The following SARM1 variants were observed in gnomAD, a reference collection of about 807,000 sequenced individuals.
SARM1 encodes sterile alpha and TIR motif containing 1.
In SARM1, 60 loss-of-function variants were observed where a neutral mutation model predicts 65.1. That is an observed-to-expected ratio of 0.92 (90% CI 0.75 to 1.14). SARM1 has a LOEUF of 1.14. Among genes scored for constraint, SARM1 ranks in the 50% most tolerant of loss-of-function variants. The pLI, the probability that SARM1 is intolerant of heterozygous loss-of-function variation, is 0.00. For missense variants in SARM1, 913 were observed against 1,015.7 expected, an observed-to-expected ratio of 0.90 and a Z score of 1.37; for synonymous variants, 417 against 465.4, an observed-to-expected ratio of 0.90 and a Z score of 1.34.
At position 28,398,337 on chromosome 17, in the gene SARM1, G is replaced by A. The variant is rs1712589306; in HGVS notation, c.*2051G>A. 6.6e-6 allele frequency: 1 copy of A among 152,438 alleles called. No homozygotes were observed. The highest frequency in any genetic ancestry group is 2.1e-4 in the South Asian group (1 of 4,834). 9.4% of individuals were successfully genotyped at this position (152,438 alleles called of 1,614,324 possible). A position where few individuals can be genotyped will look rare whatever the true frequency, so the allele number is the denominator to read the frequency against. On this transcript the variant is annotated 3_prime_UTR_variant, in exon 9 of 9. Transcript: ENST00000585482. ...CCTCTGCCCGATCTTCTGTCTCTCTGAGGGAATCAGAGTCCAGCATCCAGC... is the reference window on the plus strand; with the variant it reads ...CCTCTGCCCGATCTTCTGTCTCTCTAAGGGAATCAGAGTCCAGCATCCAGC...
intron 7 of SARM1, 36 bp from the exon 8 acceptor site, chr17:28,395,869 A>G: frequency 6.2e-7 from 1 of 1,611,052 alleles, no homozygotes; most frequent in Non-Finnish European, 8.5e-7. Flanking sequence ...CTAGATGGGT[A>G]CAGGGGTATC....
rs1555584068 is a variant in SARM1 at position 28,372,013 on chromosome 17, TC to T, written c.-15del. ...TGGCCCCGCCTCCAGGCCGGGGATG[TC>T]CCCCGCGGCCCCGCGCCCATGGTCC... is the stretch of plus-strand genomic sequence containing the variant. On this transcript the variant is annotated 5_prime_UTR_variant, in exon 1 of 9. Transcript: ENST00000585482. The surrounding 1 kb of genome is among the most constrained non-coding windows in gnomAD (Gnocchi z 5.2). 5 of 1,461,394 alleles carry T rather than the reference TC, an allele frequency of 3.4e-6. No individual in the cohort carries two copies. The highest frequency in any genetic ancestry group is 1.8e-6 in the Non-Finnish European group (2 of 1,111,162). 90.5% of individuals were successfully genotyped at this position (1,461,394 alleles called of 1,614,324 possible). A position where few individuals can be genotyped will look rare whatever the true frequency, so the allele number is the denominator to read the frequency against.
rs2068168182 is a variant in SARM1 at position 28,399,416 on chromosome 17, T to A, written c.*3130T>A. The stretch of plus-strand genomic sequence containing the variant: ...AGAACTGACTCCTGTCCCAAATAGC[T>A]CCTCTGCCACCTGTCCTGCAGTGGG... On this transcript the variant is annotated 3_prime_UTR_variant, in exon 9 of 9. Coordinates refer to ENST00000585482, the MANE Select transcript of SARM1 (RefSeq NM_015077.4). The A allele has an allele frequency of 1.8e-6, 1 of 543,192 alleles. No homozygotes were observed. Among genetic ancestry groups the A allele is most frequent in the Admixed American group, 3.1e-5 (1 of 32,298 alleles). 33.6% of individuals were successfully genotyped at this position (543,192 alleles called of 1,614,324 possible).
In SARM1 at chr17:28,372,417, C is replaced by G. The variant is rs1555584199; in HGVS notation, c.385C>G (p.Leu129Val). ...CCGCCTCGATGGCGGCCTCGACCTG[C>G]TGTTGCGGCTGCTGCAGGCGCCGGA... Reference protein sequence around the residue: ...AIRLDGGLDLLLRLLQAPELE... With the variant: ...AIRLDGGLDLVLRLLQAPELE... Residue 129 changes from leucine (L) to valine (V), a missense_variant, in exon 1 of 9, where the codon CTG becomes GTG. This residue lies in a region of SARM1 where 862 missense variants were observed against 952.1 expected (regional missense o/e 0.91). Transcript: ENST00000585482. The surrounding 1 kb of genome is among the most constrained non-coding windows in gnomAD (Gnocchi z 5.2). The G allele has an allele frequency of 6.5e-7, 1 of 1,529,944 alleles. No homozygotes were observed. Among genetic ancestry groups the G allele is most frequent in the Non-Finnish European group, 8.7e-7 (1 of 1,144,948 alleles). 94.8% of individuals were successfully genotyped at this position (1,529,944 alleles called of 1,614,324 possible).
chr17:28,385,054 T>C lies in SARM1; in HGVS notation c.1409T>C (p.Leu470Pro), dbSNP rs2068043381. 1 of 1,613,438 alleles carries C rather than the reference T, an allele frequency of 6.2e-7. No individual in the cohort carries two copies. Among genetic ancestry groups the C allele is most frequent in the Non-Finnish European group, 8.5e-7 (1 of 1,179,634 alleles). The change falls in exon 5 of 9, where the codon CTC (leucine) becomes CCC (proline). Residue 470 changes from leucine (L) to proline (P), a missense_variant. This residue lies in a region of SARM1 where 862 missense variants were observed against 952.1 expected (regional missense o/e 0.91). Coordinates refer to ENST00000585482, the MANE Select transcript of SARM1 (RefSeq NM_015077.4). The surrounding 1 kb of genome is among the most constrained non-coding windows in gnomAD (Gnocchi z 4.5). ...GITRKRFFRE[L>P]TELKTFANYS... is the part of the protein sequence containing the mutation. ...GTGGGGTGCAGGTTCTTTAGGGAGCTCACGGAGCTCAAGACCTTCGCCAAC... is the reference window on the plus strand; with the variant it reads ...GTGGGGTGCAGGTTCTTTAGGGAGCCCACGGAGCTCAAGACCTTCGCCAAC...
At position 28,396,217 on chromosome 17, in the gene SARM1, C is replaced by T. The variant is rs562444110; in HGVS notation, c.2106C>T (p.Arg702=). The change falls in exon 9 of 9, where the codon CGC becomes CGT. Residue 702 remains arginine, a synonymous_variant. Coordinates refer to ENST00000585482, the MANE Select transcript of SARM1 (RefSeq NM_015077.4). ...IEKIIRFLQG[R]SSRDSSAGSD... ...AGATCATCCGCTTCCTGCAGGGCCG[C>T]TCCTCCCGGGACTCATCTGCAGGCT... 10 of 1,614,026 alleles carry T rather than the reference C, an allele frequency of 6.2e-6. No homozygotes were observed. The East Asian group carries it at 1.1e-4, about 18-fold the overall frequency.
intron 7 of SARM1, among the ~76,000 whole-genome samples, chr17:28,389,343 TG>T (rs2068069312): frequency 6.6e-6 from 1 of 152,204 alleles, no homozygotes; most frequent in Non-Finnish European, 1.5e-5. Context: ...TGCTCAATAA[TG>T]GTAGCAATTA....
At position 28,399,769 on chromosome 17, in the gene SARM1, T is replaced by G; in HGVS notation, c.*3483T>G. ...TCATGTGGGGAACCCTCAAGGCCTG[T>G]CTGGAGAAGTGACACAGGATTTACT... On this transcript the variant is annotated 3_prime_UTR_variant, in exon 9 of 9. Transcript: ENST00000585482. The G allele has an allele frequency of 6.3e-7, 1 of 1,589,406 alleles. No individual in the cohort carries two copies. The highest frequency in any genetic ancestry group is 8.6e-7 in the Non-Finnish European group (1 of 1,157,768).
At position 28,403,849 on chromosome 17, in the gene SARM1, A is replaced by G. The variant is rs2142462638; in HGVS notation, c.*7563A>G. 1 of 152,350 alleles carries G rather than the reference A, an allele frequency of 6.6e-6. No individual in the cohort carries two copies. Among genetic ancestry groups the G allele is most frequent in the Middle Eastern group, 3.4e-3 (1 of 294 alleles). 9.4% of individuals were successfully genotyped at this position (152,350 alleles called of 1,614,324 possible). On this transcript the variant is annotated 3_prime_UTR_variant, in exon 9 of 9. Transcript: ENST00000585482. ...GCAAAATGGTGAGGACCCCATCTCTATAAAAAATACAAAAATTAGCAAGGT... is the reference window on the plus strand; with the variant it reads ...GCAAAATGGTGAGGACCCCATCTCTGTAAAAAATACAAAAATTAGCAAGGT...
In SARM1 at chr17:28,384,131, A is replaced by G. The variant is rs1486281103; in HGVS notation, c.1090-226A>G. Among the ~76,000 whole-genome samples the G allele has an allele frequency of 6.6e-6, 1 of 152,080 alleles. No homozygotes were observed. The highest frequency in any genetic ancestry group is 1.5e-5 in the Non-Finnish European group (1 of 68,006). On this transcript the variant is annotated intron_variant, in intron 2 of 8. Transcript: ENST00000585482. The surrounding 1 kb of genome is among the most constrained non-coding windows in gnomAD (Gnocchi z 4.4). The stretch of plus-strand genomic sequence containing the variant: ...GCTGTAGAAGGGATATAAAGGAGGG[A>G]TAGGCCCCTCCGCCCCCAACCCATC...
rs1173760349 is a variant in SARM1, at chr17:28,381,722, C to G, written c.990C>G (p.Leu330=). ...GCGGGCCCGACGACCTGCAGCGCCT[C>G]GTGCCGTTGCTCGACTCTAACCGCT... The part of the protein sequence containing the change: ...QGRGPDDLQR[L]VPLLDSNRLE... Residue 330 remains leucine (L), a synonymous_variant, in exon 2 of 9, where the codon CTC becomes CTG. Transcript: ENST00000585482. 2.6e-6 allele frequency: 4 copies of G among 1,553,014 alleles called. No homozygotes were observed. The highest frequency in any genetic ancestry group is 2.4e-5 in the South Asian group (2 of 83,826).
intron 5 of SARM1, chr17:28,387,885 A>T (rs1336300086): frequency 1.6e-5 from 7 of 444,332 alleles, no homozygotes; most frequent in Non-Finnish European, 4.1e-6. Flanking sequence ...ATTTGGAGTG[A>T]TTGTGGGCAG....
At chr17:28,396,061 G>C (rs782118770) in intron 8 of SARM1, 35 bp downstream of exon 8, 6 of 1,613,524 alleles carry the variant, frequency 3.7e-6, no homozygotes, top group Non-Finnish European at 5.1e-6. Flanking sequence ...GGGGGGTAGG[G>C]TACAAATCAC....
In SARM1 at chr17:28,402,420, AGGTT is replaced by A; in HGVS notation, c.*6135_*6138del. On this transcript the variant is annotated 3_prime_UTR_variant, in exon 9 of 9. Transcript: ENST00000585482. Reference sequence around the variant, plus strand: ...CCTATCCATACCCCACGTGGGGCTTAGGTTAGACCCAGGAAGAACTTCCTTGATG... The same window carrying A: ...CCTATCCATACCCCACGTGGGGCTTAAGACCCAGGAAGAACTTCCTTGATG... The A allele has an allele frequency of 2.1e-6, 2 of 973,028 alleles. No homozygotes were observed. Among genetic ancestry groups the A allele is most frequent in the African/African-American group, 1.6e-5 (1 of 61,950 alleles). 60.3% of individuals were successfully genotyped at this position (973,028 alleles called of 1,614,324 possible).
At chr17:28,389,699 AACATGGTGAAACCTTGTCTCT>A (rs1298323962) in intron 7 of SARM1, among the ~76,000 whole-genome samples, 1 of 152,180 alleles carries the variant, frequency 6.6e-6, no homozygotes, top group Non-Finnish European at 1.5e-5. Context: ...CAGCCTGGGC[AACATGGTGAAACCTTGTCTCT>A]ACTAAAAAAA....
chr17:28,377,221 G>T (rs2067996979), intron 1 of SARM1, among the ~76,000 whole-genome samples: 1 of 152,210 alleles, frequency 6.6e-6, no homozygotes, highest in Non-Finnish European at 1.5e-5. Flanking sequence ...TCAAATCTCA[G>T]CTGTGCCTCT....
At chr17:28,389,956 GA>G (rs1164128432) in intron 7 of SARM1, among the ~76,000 whole-genome samples, 4 of 152,166 alleles carry the variant, frequency 2.6e-5, no homozygotes, top group Non-Finnish European at 5.9e-5. Context: ...TTGGAGAAGG[GA>G]GAGAGCATCA....
rs1555585670 is a variant in SARM1, at chr17:28,384,581, T to C, written c.1302+12T>C. The C allele has an allele frequency of 6.3e-7, 1 of 1,583,448 alleles. No individual in the cohort carries two copies. The highest frequency in any genetic ancestry group is 1.1e-5 in the South Asian group (1 of 87,730). On this transcript the variant is annotated intron_variant, in intron 3 of 8. Coordinates refer to ENST00000585482, the MANE Select transcript of SARM1 (RefSeq NM_015077.4). The surrounding 1 kb of genome is among the most constrained non-coding windows in gnomAD (Gnocchi z 4.4). Reference sequence around the variant, plus strand: ...GCGAGAGCTTCCGGGTAGAGTCGCGTGGGATACGCCTCCCCCGAGTCAGAG... The same window carrying C: ...GCGAGAGCTTCCGGGTAGAGTCGCGCGGGATACGCCTCCCCCGAGTCAGAG...
intron 1 of SARM1, chr17:28,373,966 C>A (rs1403632533): frequency 1.3e-5 from 2 of 152,190 alleles, no homozygotes; most frequent in Non-Finnish European, 2.9e-5. Flanking sequence ...ACAATACTTC[C>A]AAAGAAAGGC....
Sources: allele counts gnomAD v4.1 joint callset (sites outside exome capture counted in the v4.1 genomes callset), GRCh38; gene constraint gnomAD v4.1.1; regional missense constraint gnomAD v4.1.1; non-coding constraint Gnocchi (gnomAD v3.1); transcripts MANE v1.5; gene names NCBI Gene and HGNC (gene_info 2026-07-23, HGNC 2026-07-21).